The following PRKCE variants were observed in gnomAD, a reference collection of about 807,000 sequenced individuals.
PRKCE encodes the protein protein kinase C epsilon type.
Under a neutral mutation model 85.4 loss-of-function variants are expected in PRKCE, and 16 were observed. The ratio of observed to expected loss-of-function variants is 0.19; its 90% CI spans 0.13 to 0.28. The LOEUF (loss-of-function observed/expected upper bound fraction) is 0.28, where lower values mean the gene tolerates loss of function less well. Among genes scored for constraint, PRKCE ranks in the 10% least tolerant of loss-of-function variants. The probability of loss-of-function intolerance (pLI) is 1.00; values close to 1 mark genes in which losing one functional copy is unlikely to be tolerated. For synonymous variants in PRKCE, 388 were observed against 371.5 expected (o/e 1.04, Z -0.51); for missense variants, 573 against 975.2 (o/e 0.59, Z 5.49).
At chr2:45,722,577 C>T (rs1294322025) in intron 1 of PRKCE, among the ~76,000 whole-genome samples, 3 of 152,186 alleles carry the variant, frequency 2.0e-5, no homozygotes, top group Admixed American at 6.5e-5. Flanking sequence ...GATCTCCCTT[C>T]GGAAATGGGA....
At chr2:46,115,083 C>G (rs1423594428) in intron 11 of PRKCE, among the ~76,000 whole-genome samples, 2 of 152,170 alleles carry the variant, frequency 1.3e-5, no homozygotes, top group Non-Finnish European at 2.9e-5. Flanking sequence ...TAGAATTGTT[C>G]CATCTGATGT....
chr2:45,979,900 C>T (rs796329744), intron 4 of PRKCE, among the ~76,000 whole-genome samples: 8 of 152,270 alleles, frequency 5.3e-5, no homozygotes, highest in African/African-American at 9.6e-5. Context: ...CCCCCTATCA[C>T]GTCAGCCACC....
intron 2 of PRKCE, among the ~76,000 whole-genome samples, chr2:45,948,736 C>G (rs1171401851): frequency 6.6e-6 from 1 of 152,024 alleles, no homozygotes; most frequent in Non-Finnish European, 1.5e-5. Flanking sequence ...TTCTGTCTGC[C>G]CAGAGATAAC....
chr2:45,988,629 C>T (rs1033994960), intron 6 of PRKCE, among the ~76,000 whole-genome samples: 1 of 152,174 alleles, frequency 6.6e-6, no homozygotes, highest in African/African-American at 2.4e-5. Context: ...AATGCTGGCA[C>T]AAAGTGAGCA....
chr2:46,103,348 C>G (rs902797827), intron 11 of PRKCE, among the ~76,000 whole-genome samples: 3 of 152,100 alleles, frequency 2.0e-5, no homozygotes, highest in Admixed American at 1.3e-4. Flanking sequence ...CCTAAGGATC[C>G]CTGGCTTCTT....
chr2:46,008,837 T>C (rs1293674101), intron 9 of PRKCE, among the ~76,000 whole-genome samples: 1 of 152,190 alleles, frequency 6.6e-6, no homozygotes, highest in Non-Finnish European at 1.5e-5. Context: ...TTTCATATAG[T>C]GTAGGCAGAA....
At chr2:45,993,327 C>T (rs57468165) in intron 6 of PRKCE, among the ~76,000 whole-genome samples, 6,309 of 152,282 alleles carry the variant, frequency 0.041, 326 homozygotes, top group African/African-American at 0.11. Context: ...ACTGGAGCTC[C>T]CCTTCCTCAC....
chr2:45,972,844 A>G (rs1373867323), intron 2 of PRKCE, among the ~76,000 whole-genome samples: 1 of 152,206 alleles, frequency 6.6e-6, no homozygotes, highest in Non-Finnish European at 1.5e-5. Flanking sequence ...AGGAACTGCA[A>G]CTTTAATATG....
chr2:46,130,768 A>C (rs975396077), intron 11 of PRKCE, among the ~76,000 whole-genome samples: 1 of 152,246 alleles, frequency 6.6e-6, no homozygotes, highest in Non-Finnish European at 1.5e-5. Flanking sequence ...ATTAGAAAAC[A>C]CATTAAGATA....
chr2:46,136,859 C>G (rs1377722879), intron 11 of PRKCE, among the ~76,000 whole-genome samples: 1 of 152,250 alleles, frequency 6.6e-6, no homozygotes, highest in Non-Finnish European at 1.5e-5. Flanking sequence ...CTCAGTCAGT[C>G]TCATCTCTGT....
Position 46,046,378 on chromosome 2 carries a change from C to T in PRKCE, c.1437+35861C>T, listed in dbSNP as rs117429561. The stretch of plus-strand genomic sequence containing the variant: ...CCCAACAATATGCAGTGACACCTAG[C>T]TCCACATGACAGTGTTTCTCAATGG... On this transcript the variant is annotated intron_variant, in intron 10 of 14. Transcript: ENST00000306156. Among the ~76,000 whole-genome samples, 5 of 152,340 alleles carry T rather than the reference C, an allele frequency of 3.3e-5. No homozygotes were observed. The East Asian group carries it at 7.7e-4, about 24-fold the overall frequency.
chr2:45,757,567 T>C (rs1252825283), intron 1 of PRKCE, among the ~76,000 whole-genome samples: 1 of 152,114 alleles, frequency 6.6e-6, no homozygotes, highest in Non-Finnish European at 1.5e-5. Context: ...CTTGGAAGGC[T>C]GAGGCAGGAG....
intron 2 of PRKCE, among the ~76,000 whole-genome samples, chr2:45,876,149 C>A (rs764582892): frequency 3.9e-5 from 6 of 152,180 alleles, no homozygotes; most frequent in Non-Finnish European, 5.9e-5. Context: ...GCTCTGGTCT[C>A]CCTGCTTCCA....
chr2:45,966,801 A>T (rs1324934025), intron 2 of PRKCE, among the ~76,000 whole-genome samples: 1 of 152,172 alleles, frequency 6.6e-6, no homozygotes, highest in African/African-American at 2.4e-5. Flanking sequence ...AGTAGGTAAC[A>T]TCTGGGGGTA....
intron 1 of PRKCE, among the ~76,000 whole-genome samples, chr2:45,776,026 A>C (rs1243550987): frequency 6.6e-6 from 1 of 152,178 alleles, no homozygotes; most frequent in Non-Finnish European, 1.5e-5. Flanking sequence ...CATACCCTGA[A>C]TACTCTACTT....
intron 2 of PRKCE, among the ~76,000 whole-genome samples, chr2:45,853,037 C>T (rs1239070499): frequency 6.6e-6 from 1 of 152,180 alleles, no homozygotes; most frequent in Non-Finnish European, 1.5e-5. Flanking sequence ...GAGCAGGCAC[C>T]AGTTCCTACT....
chr2:45,822,411 G>A (rs1331535164), intron 1 of PRKCE, among the ~76,000 whole-genome samples: 7 of 152,252 alleles, frequency 4.6e-5, no homozygotes, highest in African/African-American at 1.7e-4. Context: ...AGCAGATGAG[G>A]TCAGCGCCTG....
At chr2:45,884,995 A>G (rs201334677) in intron 2 of PRKCE, among the ~76,000 whole-genome samples, 2,169 of 70,240 alleles carry the variant, frequency 0.031, 201 homozygotes, top group East Asian at 0.08. Flanking sequence ...ATATATATAT[A>G]TATATATTTG....
At chr2:46,144,074 G>C (rs374688468) in intron 11 of PRKCE, among the ~76,000 whole-genome samples, 1 of 152,300 alleles carries the variant, frequency 6.6e-6, no homozygotes, top group African/African-American at 2.4e-5. Context: ...TTCTTCTACC[G>C]TGTCAGGGCT....
Sources: allele counts gnomAD v4.1 joint callset (sites outside exome capture counted in the v4.1 genomes callset), GRCh38; gene constraint gnomAD v4.1.1; transcripts MANE v1.5; gene names NCBI Gene and HGNC (gene_info 2026-07-23, HGNC 2026-07-21).